MVB12B: variants seen among roughly 807,000 people sequenced by gnomAD.
MVB12B encodes the protein multivesicular body subunit 12B, also known as ESCRT-I complex subunit MVB12B.
A neutral mutation model predicts 41.6 loss-of-function variants in MVB12B; 16 were observed. The observed-to-expected ratio is 0.38, with a 90% CI of 0.26 to 0.58. MVB12B has a LOEUF of 0.58. Among genes scored for constraint, MVB12B ranks in the 20% least tolerant of loss-of-function variants. The pLI, the probability that MVB12B is intolerant of heterozygous loss-of-function variation, is 0.62. For missense variants in MVB12B, 274 were observed against 380.2 expected, an observed-to-expected ratio of 0.72 and a Z score of 2.32; for synonymous variants, 133 against 139.7, an observed-to-expected ratio of 0.95 and a Z score of 0.34.
intron 2 of MVB12B, among the ~76,000 whole-genome samples, chr9:126,348,683 T>C (rs1829664743): frequency 6.6e-6 from 1 of 152,240 alleles, no homozygotes; most frequent in African/African-American, 2.4e-5. Flanking sequence ...CGTCAATTAA[T>C]TGGATGGTTG....
At chr9:126,488,344 CAAAA>C (rs60489071) in intron 9 of MVB12B, among the ~76,000 whole-genome samples, 7,180 of 132,234 alleles carry the variant, frequency 0.054, 489 homozygotes, top group African/African-American at 0.17. Flanking sequence ...ACCATTAAAC[CAAAA>C]AAAAAAAAAA....
chr9:126,442,253 C>A (rs111462186), intron 7 of MVB12B, among the ~76,000 whole-genome samples: 2,757 of 152,278 alleles, frequency 0.018, 64 homozygotes, highest in African/African-American at 0.055. Context: ...ATCCGCAGGG[C>A]CCTAGAGGCT....
intron 6 of MVB12B, among the ~76,000 whole-genome samples, chr9:126,417,784 G>T (rs962083473): frequency 1.3e-5 from 2 of 152,194 alleles, no homozygotes; most frequent in African/African-American, 4.8e-5. Context: ...CTGGAGTGGG[G>T]TGAGAGAAGA....
chr9:126,359,265 G>A (rs35845725), intron 2 of MVB12B, among the ~76,000 whole-genome samples: 11 of 151,876 alleles, frequency 7.2e-5, no homozygotes, highest in Non-Finnish European at 1.5e-4. Context: ...ATCCCCCATG[G>A]ACATAATAAA....
chr9:126,338,172 G>A (rs916937993), intron 1 of MVB12B, among the ~76,000 whole-genome samples: 1 of 152,244 alleles, frequency 6.6e-6, no homozygotes, highest in Non-Finnish European at 1.5e-5. Context: ...CTCCGTCCGG[G>A]GCACAGCAGC....
At chr9:126,498,202 G>A (rs568082727) in intron 9 of MVB12B, among the ~76,000 whole-genome samples, 60 of 152,366 alleles carry the variant, frequency 3.9e-4, no homozygotes, top group African/African-American at 1.4e-3. Flanking sequence ...AACAGGAAGA[G>A]CCTGTATCAT....
intron 7 of MVB12B, among the ~76,000 whole-genome samples, chr9:126,443,798 C>T (rs1832701438): frequency 6.6e-6 from 1 of 152,236 alleles, no homozygotes; most frequent in Admixed American, 6.5e-5. Flanking sequence ...TGTCAAACTA[C>T]AGGATAGCCG....
At chr9:126,424,498 T>C (rs911803365) in intron 7 of MVB12B, among the ~76,000 whole-genome samples, 2 of 152,208 alleles carry the variant, frequency 1.3e-5, no homozygotes, top group African/African-American at 4.8e-5. Flanking sequence ...CAGGTAGTCA[T>C]CCTGATTTTG....
chr9:126,483,037 C>T (rs10987296), intron 8 of MVB12B, among the ~76,000 whole-genome samples: 60,285 of 152,086 alleles, frequency 0.4, 12,824 homozygotes, highest in East Asian at 0.7. Context: ...CTGCTGGCTT[C>T]GCGGAGGCTC....
chr9:126,483,002 C>G (rs1263324579), intron 8 of MVB12B, among the ~76,000 whole-genome samples: 1 of 152,250 alleles, frequency 6.6e-6, no homozygotes, highest in Non-Finnish European at 1.5e-5. Context: ...TCCTCAGACT[C>G]CAGAGCTGGC....
chr9:126,387,410 CAG>C (rs1413294513), intron 4 of MVB12B, among the ~76,000 whole-genome samples: 62 of 152,292 alleles, frequency 4.1e-4, no homozygotes. Flanking sequence ...CATTACGACT[CAG>C]GGTTTATTTA....
chr9:126,483,261 A>G (rs929751915), intron 8 of MVB12B, among the ~76,000 whole-genome samples: 20 of 152,194 alleles, frequency 1.3e-4, no homozygotes, highest in African/African-American at 3.9e-4. Flanking sequence ...CCAGGCTTCT[A>G]TGGGCCTCTA....
At chr9:126,465,649 C>T (rs529479197) in intron 7 of MVB12B, among the ~76,000 whole-genome samples, 17 of 131,536 alleles carry the variant, frequency 1.3e-4, no homozygotes, top group Middle Eastern at 5.4e-3. Flanking sequence ...TTTAAATGCA[C>T]GAGTGGCCTC....
intron 5 of MVB12B, among the ~76,000 whole-genome samples, chr9:126,393,313 C>T (rs1428952085): frequency 6.6e-6 from 1 of 152,232 alleles, no homozygotes; most frequent in Non-Finnish European, 1.5e-5. Flanking sequence ...CCTGTCTCCC[C>T]CTGGCTCCGG....
chr9:126,378,972 G>A (rs1830563147), intron 2 of MVB12B, among the ~76,000 whole-genome samples: 1 of 152,154 alleles, frequency 6.6e-6, no homozygotes. Flanking sequence ...AGAATGCACA[G>A]CACCCCTCTG....
At chr9:126,464,284 C>T (rs1471868581) in intron 7 of MVB12B, among the ~76,000 whole-genome samples, 1 of 152,194 alleles carries the variant, frequency 6.6e-6, no homozygotes, top group African/African-American at 2.4e-5. Flanking sequence ...GGAAAGGACT[C>T]TCCAGGCTGA....
intron 7 of MVB12B, among the ~76,000 whole-genome samples, chr9:126,452,985 C>G (rs1238795636): frequency 6.6e-6 from 1 of 151,818 alleles, no homozygotes; most frequent in African/African-American, 2.4e-5. Flanking sequence ...TTTTTAAAAG[C>G]TCTGGACTCA....
At chr9:126,355,114 G>A (rs879284546) in intron 2 of MVB12B, among the ~76,000 whole-genome samples, 6 of 152,174 alleles carry the variant, frequency 3.9e-5, no homozygotes, top group South Asian at 2.1e-4. Context: ...TGATTAGAAC[G>A]CTCGTTTCCT....
At chr9:126,485,792 G>T (rs1393619949) in intron 9 of MVB12B, among the ~76,000 whole-genome samples, 2 of 152,216 alleles carry the variant, frequency 1.3e-5, no homozygotes, top group Non-Finnish European at 2.9e-5. Context: ...GCATGCGGAT[G>T]ATAACTCTGA....
Sources: gnomAD v4.1 joint callset for allele counts (sites outside exome capture counted in the v4.1 genomes callset) on GRCh38, gnomAD v4.1.1 for gene constraint, MANE v1.5 for transcripts, NCBI Gene and HGNC (gene_info 2026-07-23, HGNC 2026-07-21) for gene names.